Variants in RCAN2 observed in about 807,000 individuals in gnomAD.
The protein encoded by RCAN2 is regulator of calcineurin 2, also known as calcipressin-2.
Under a neutral mutation model 23.6 loss-of-function variants are expected in RCAN2, and 9 were observed. The observed-to-expected ratio is 0.38, with a 90% CI of 0.23 to 0.67. The LOEUF (loss-of-function observed/expected upper bound fraction) is 0.67, where lower values mean the gene tolerates loss of function less well. Ranked by LOEUF, RCAN2 falls within the 30% of genes least tolerant of loss-of-function variation. The probability of loss-of-function intolerance (pLI) is 0.51; values close to 1 mark genes in which losing one functional copy is unlikely to be tolerated. For synonymous variants in RCAN2, 109 were observed against 115.7 expected, an observed-to-expected ratio of 0.94 and a Z score of 0.37; for missense variants, 273 against 302.3, an observed-to-expected ratio of 0.90 and a Z score of 0.72.
At position 46,355,216 on chromosome 6, in the gene RCAN2, G is replaced by T. The variant is rs142482001; in HGVS notation, c.225+101536C>A. Reference sequence around the variant, plus strand: ...AAAGTAAACTTCTTATAATGAAAAGGGCTAGAAAACTAGCTATTTTGGATC... The same window carrying T: ...AAAGTAAACTTCTTATAATGAAAAGTGCTAGAAAACTAGCTATTTTGGATC... On this transcript the variant is annotated intron_variant, in intron 2 of 4. Coordinates refer to ENST00000371374, the MANE Select transcript of RCAN2 (RefSeq NM_001251974.2). Among the ~76,000 whole-genome samples the T allele has an allele frequency of 2.6e-5, 4 of 152,098 alleles. No individual in the cohort carries two copies. The East Asian group carries it at 5.8e-4, about 22-fold the overall frequency.
intron 2 of RCAN2, among the ~76,000 whole-genome samples, chr6:46,432,098 A>C (rs1208882652): frequency 6.6e-6 from 1 of 152,258 alleles, no homozygotes; most frequent in Non-Finnish European, 1.5e-5. Flanking sequence ...AAGATGATTT[A>C]TAAGTTGTAG....
chr6:46,264,265 C>T (rs538097514), intron 2 of RCAN2, among the ~76,000 whole-genome samples: 32 of 152,164 alleles, frequency 2.1e-4, no homozygotes, highest in South Asian at 4.1e-4. Flanking sequence ...TGAAGACAGG[C>T]GATTTAAAAT....
At chr6:46,467,700 C>T (rs1254733930) in intron 1 of RCAN2, among the ~76,000 whole-genome samples, 1 of 152,256 alleles carries the variant, frequency 6.6e-6, no homozygotes, top group African/African-American at 2.4e-5. Flanking sequence ...GTGGGAACCA[C>T]AGTAGTACCT....
At chr6:46,347,049 G>A in intron 2 of RCAN2, among the ~76,000 whole-genome samples, 1 of 151,960 alleles carries the variant, frequency 6.6e-6, no homozygotes, top group Non-Finnish European at 1.5e-5. Flanking sequence ...CTAATTTTTT[G>A]TATTTTTAGT....
chr6:46,249,178 T>C (rs1766622223), intron 2 of RCAN2, among the ~76,000 whole-genome samples: 1 of 151,946 alleles, frequency 6.6e-6, no homozygotes, highest in Non-Finnish European at 1.5e-5. Context: ...AGTATTTCTG[T>C]AGAGGAGAGG....
chr6:46,378,561 A>T (rs929869895), intron 2 of RCAN2, among the ~76,000 whole-genome samples: 1 of 152,206 alleles, frequency 6.6e-6, no homozygotes, highest in Non-Finnish European at 1.5e-5. Context: ...TGATGGTCCA[A>T]CAAATCCTGT....
At chr6:46,311,049 T>G (rs1667685667) in intron 2 of RCAN2, among the ~76,000 whole-genome samples, 1 of 152,196 alleles carries the variant, frequency 6.6e-6, no homozygotes, top group African/African-American at 2.4e-5. Flanking sequence ...CATTCTTATT[T>G]CAGTTACAAC....
intron 2 of RCAN2, among the ~76,000 whole-genome samples, chr6:46,361,583 A>G (rs1216222580): frequency 6.6e-6 from 1 of 152,240 alleles, no homozygotes; most frequent in Non-Finnish European, 1.5e-5. Context: ...AAAATGGCAT[A>G]TCTTCTTAAT....
At chr6:46,451,014 T>A (rs1329151339) in intron 2 of RCAN2, among the ~76,000 whole-genome samples, 1 of 152,116 alleles carries the variant, frequency 6.6e-6, no homozygotes, top group African/African-American at 2.4e-5. Flanking sequence ...TTTCAATACA[T>A]CATATTGTAT....
At chr6:46,367,141 GT>G (rs1765200350) in intron 2 of RCAN2, among the ~76,000 whole-genome samples, 1 of 148,056 alleles carries the variant, frequency 6.8e-6, no homozygotes, top group African/African-American at 2.5e-5. Flanking sequence ...ACAAGGGGGT[GT>G]CCCAGTTGGA....
At chr6:46,444,457 C>T (rs1254621931) in intron 2 of RCAN2, among the ~76,000 whole-genome samples, 1 of 152,184 alleles carries the variant, frequency 6.6e-6, no homozygotes. Flanking sequence ...TTCCAAAAGA[C>T]ATGAGCCCCC....
chr6:46,242,139 C>A (rs1766327416), intron 4 of RCAN2, among the ~76,000 whole-genome samples: 2 of 152,168 alleles, frequency 1.3e-5, no homozygotes, highest in South Asian at 4.1e-4. Context: ...CAAAGGATTT[C>A]AATAGGCACC....
At chr6:46,421,925 A>G (rs769235305) in intron 2 of RCAN2, among the ~76,000 whole-genome samples, 5 of 152,248 alleles carry the variant, frequency 3.3e-5, no homozygotes, top group Non-Finnish European at 7.3e-5. Context: ...TAAAGGAGAT[A>G]GAAAACTGTT....
intron 2 of RCAN2, among the ~76,000 whole-genome samples, chr6:46,281,372 G>A (rs935955685): frequency 7.2e-5 from 11 of 152,202 alleles, no homozygotes; most frequent in African/African-American, 2.7e-4. Context: ...ACAGATTCCT[G>A]GAGTTGCCAT....
chr6:46,290,012 CT>C (rs1214448710), intron 2 of RCAN2, among the ~76,000 whole-genome samples: 1 of 152,188 alleles, frequency 6.6e-6, no homozygotes, highest in Non-Finnish European at 1.5e-5. Flanking sequence ...AAGCAGCCAA[CT>C]TGGACCCGCA....
chr6:46,299,403 C>T lies in RCAN2; in HGVS notation c.226-50507G>A, dbSNP rs960073271. On this transcript the variant is annotated intron_variant, in intron 2 of 4. Transcript: ENST00000371374. Reference sequence around the variant, plus strand: ...GAATTTAGTGCAGAGTTACTTTCAGCAGAGATGACTGATTTATGGCAGCAG... The same window carrying T: ...GAATTTAGTGCAGAGTTACTTTCAGTAGAGATGACTGATTTATGGCAGCAG... Among the ~76,000 whole-genome samples, 5 of 152,096 alleles carry T rather than the reference C, an allele frequency of 3.3e-5. No homozygotes were observed. The East Asian group carries it at 7.7e-4, about 24-fold the overall frequency.
At chr6:46,354,205 CTGTGTGTGTG>C (rs56237510) in intron 2 of RCAN2, among the ~76,000 whole-genome samples, 8,835 of 132,958 alleles carry the variant, frequency 0.066, 303 homozygotes, top group South Asian at 0.17. Flanking sequence ...TGTTATTTTA[CTGTGTGTGTG>C]TGTGTGTGTG....
intron 2 of RCAN2, among the ~76,000 whole-genome samples, chr6:46,449,585 A>G (rs1767815458): frequency 6.6e-6 from 1 of 151,662 alleles, no homozygotes; most frequent in African/African-American, 2.4e-5. Context: ...CTACAAAGCT[A>G]TAGTAATCAA....
At chr6:46,466,758 G>GA (rs903721878) in intron 1 of RCAN2, among the ~76,000 whole-genome samples, 2 of 152,078 alleles carry the variant, frequency 1.3e-5, no homozygotes, top group Admixed American at 6.6e-5. Context: ...CATCAACGCT[G>GA]AAAAAAATCA....
Sources: allele counts gnomAD v4.1 joint callset (sites outside exome capture counted in the v4.1 genomes callset), GRCh38; gene constraint gnomAD v4.1.1; transcripts MANE v1.5; gene names NCBI Gene and HGNC (gene_info 2026-07-23, HGNC 2026-07-21).